BLTP1: variants seen among roughly 807,000 people sequenced by gnomAD.
BLTP1 encodes the protein bridge-like lipid transfer protein family member 1.
At chr4:122,322,784 G>A in the BLTP1 span, among the ~76,000 whole-genome samples, 4 of 152,060 alleles carry the variant, frequency 2.6e-5, no homozygotes, top group Admixed American at 2.0e-4. Context: ...CATTGGTATT[G>A]TATTTCCCTT....
chr4:122,291,836 GT>G, the BLTP1 span: 13 of 979,428 alleles, frequency 1.3e-5, no homozygotes, highest in Non-Finnish European at 1.6e-5. Flanking sequence ...TGTTTAGTAT[GT>G]TTTGTGAATG....
At chr4:122,207,397 T>C in the BLTP1 span, 4 of 1,416,328 alleles carry the variant, frequency 2.8e-6, no homozygotes, top group East Asian at 7.3e-5. Flanking sequence ...TGTGAGACTC[T>C]CAGAAGACTG....
the BLTP1 span, among the ~76,000 whole-genome samples, chr4:122,329,088 C>T: frequency 6.6e-6 from 1 of 151,716 alleles, no homozygotes; most frequent in Non-Finnish European, 1.5e-5. Flanking sequence ...TGCTGAATCC[C>T]ATACATCAGC....
chr4:122,164,276 C>T, the BLTP1 span: 2 of 428,956 alleles, frequency 4.7e-6, no homozygotes, highest in South Asian at 1.9e-4. Context: ...GCAAAAAAAG[C>T]CGTTTTCCCA....
At chr4:122,272,933 A>G in the BLTP1 span, among the ~76,000 whole-genome samples, 1 of 152,088 alleles carries the variant, frequency 6.6e-6, no homozygotes, top group African/African-American at 2.4e-5. Context: ...TATTTTATGT[A>G]TCACAAAGAA....
the BLTP1 span, chr4:122,356,007 T>A: frequency 2.1e-5 from 32 of 1,550,788 alleles, no homozygotes; most frequent in Non-Finnish European, 2.3e-5. Context: ...AGAAAAACAA[T>A]TTAAAGTTAA....
chr4:122,272,536 C>T, the BLTP1 span: 1 of 679,588 alleles, frequency 1.5e-6, no homozygotes, highest in Non-Finnish European at 2.4e-6. Context: ...AACTGGACTT[C>T]CCAAATTCTG....
chr4:122,230,520 A>G, the BLTP1 span, among the ~76,000 whole-genome samples: 1 of 152,166 alleles, frequency 6.6e-6, no homozygotes, highest in African/African-American at 2.4e-5. Context: ...GTAAAGTACT[A>G]CATTTTCTCT....
chr4:122,251,301 T>A, the BLTP1 span: 2 of 981,518 alleles, frequency 2.0e-6, no homozygotes, highest in African/African-American at 3.5e-5. Context: ...TGTACATATA[T>A]TTCTGATCAC....
the BLTP1 span, chr4:122,202,609 A>G: frequency 0.28 from 206,659 of 736,816 alleles, 30,126 homozygotes; most frequent in South Asian, 0.47. Context: ...ATCTTTTAAA[A>G]TAGATACCTA....
the BLTP1 span, chr4:122,359,508 A>G: frequency 6.3e-7 from 1 of 1,575,996 alleles, no homozygotes; most frequent in Non-Finnish European, 8.6e-7. Flanking sequence ...TCTAATTCTT[A>G]TGGTGATTTA....
At chr4:122,238,067 C>G in the BLTP1 span, 14 of 1,607,594 alleles carry the variant, frequency 8.7e-6, no homozygotes, top group East Asian at 6.7e-5. Flanking sequence ...TGTGTGTTCA[C>G]TTAACCCACC....
chr4:122,249,708 T>C, the BLTP1 span: 1 of 1,612,622 alleles, frequency 6.2e-7, no homozygotes, highest in Non-Finnish European at 8.5e-7. Flanking sequence ...TGAATTCTGC[T>C]TAAGGTGGGG....
the BLTP1 span, chr4:122,301,149 A>G: frequency 9.2e-7 from 1 of 1,090,738 alleles, no homozygotes; most frequent in Non-Finnish European, 1.2e-6. Flanking sequence ...TCTTTCATAT[A>G]TCTGTCTCAG....
chr4:122,325,064 C>T, the BLTP1 span: 5 of 287,632 alleles, frequency 1.7e-5, no homozygotes, highest in African/African-American at 2.3e-5. Flanking sequence ...TTAACCAAAA[C>T]ATTGACTCTT....
the BLTP1 span, chr4:122,220,245 A>G: frequency 2.9e-6 from 4 of 1,384,758 alleles, no homozygotes; most frequent in East Asian, 7.0e-5. Context: ...AATTCTCTTA[A>G]TCATGACAGA....
the BLTP1 span, chr4:122,356,553 G>C: frequency 1.3e-6 from 2 of 1,517,288 alleles, no homozygotes; most frequent in Non-Finnish European, 1.8e-6. Flanking sequence ...CATTTACATA[G>C]ACCTATATAA....
the BLTP1 span, among the ~76,000 whole-genome samples, chr4:122,361,753 A>T: frequency 6.6e-6 from 1 of 152,224 alleles, no homozygotes; most frequent in African/African-American, 2.4e-5. Flanking sequence ...TATGTTTAAG[A>T]TAACTGTATA....
the BLTP1 span, chr4:122,170,692 A>G: frequency 1.3e-6 from 2 of 1,598,416 alleles, no homozygotes; most frequent in African/African-American, 1.4e-5. Flanking sequence ...GTATAACTCA[A>G]TTAGAAGATT....
Sources: gnomAD v4.1 joint callset for allele counts (sites outside exome capture counted in the v4.1 genomes callset) on GRCh38, gnomAD v4.1.1 for gene constraint, MANE v1.5 for transcripts, NCBI Gene and HGNC (gene_info 2026-07-23, HGNC 2026-07-21) for gene names.